Variants in CACNA1S observed in about 807,000 individuals in gnomAD.
The protein encoded by CACNA1S is calcium voltage-gated channel subunit alpha1 S, also known as voltage-dependent L-type calcium channel subunit alpha-1S.
CACNA1S carries 126 observed loss-of-function variants against 207.4 expected under a neutral mutation model. The observed-to-expected ratio is 0.61, with a 90% CI of 0.53 to 0.70. The LOEUF is 0.70. Ranked by LOEUF, CACNA1S falls within the 30% of genes least tolerant of loss-of-function variation. CACNA1S has a pLI of 0.00. For synonymous variants in CACNA1S, 960 were observed against 932.7 expected, an observed-to-expected ratio of 1.03 and a Z score of -0.53; for missense variants, 2,349 against 2,422.8, an observed-to-expected ratio of 0.97 and a Z score of 0.64.
In CACNA1S at chr1:201,057,826, AAGTAGGACTCT is replaced by A. The variant is rs1660899848; in HGVS notation, c.3609+571_3609+581del. ...TTCAAAAACATATTTTTTAAAAAAG[AAGTAGGACTCT>A]AATCCTCCCACTGCCCTGTTTAAAA... On this transcript the variant is annotated intron_variant, in intron 28 of 43. Transcript: ENST00000362061. Among the ~76,000 whole-genome samples, 6 of 152,168 alleles carry A rather than the reference AAGTAGGACTCT, an allele frequency of 3.9e-5. No individual in the cohort carries two copies. In the South Asian group the frequency reaches 1.2e-3, roughly 32 times the overall value.
chr1:201,053,696 TGGA>T lies in CACNA1S; in HGVS notation c.3667-112_3667-110del. On this transcript the variant is annotated intron_variant, in intron 29 of 43. Coordinates refer to ENST00000362061, the MANE Select transcript of CACNA1S (RefSeq NM_000069.3). This position sits in a 1 kb window ranked among gnomAD's most constrained non-coding sequence, Gnocchi z 5.1. ...GTGTTTTGGGGAGATGTTTGTGGCATGGAGGAACTCCAGCCCCGCCTCTGGCCC... is the reference window on the plus strand; with the variant it reads ...GTGTTTTGGGGAGATGTTTGTGGCATGGAACTCCAGCCCCGCCTCTGGCCC... 1 of 1,162,092 alleles carries T rather than the reference TGGA, an allele frequency of 8.6e-7. No homozygotes were observed. Among genetic ancestry groups the T allele is most frequent in the Non-Finnish European group, 1.2e-6 (1 of 818,866 alleles). 72.0% of individuals were successfully genotyped at this position (1,162,092 alleles called of 1,614,324 possible). A position where few individuals can be genotyped will look rare whatever the true frequency, so the allele number is the denominator to read the frequency against.
intron 18 of CACNA1S, 49 bp from the exon 19 acceptor site, chr1:201,069,245 A>C: frequency 1.3e-6 from 2 of 1,552,550 alleles, no homozygotes. Context: ...AGGAGGGGGC[A>C]ACAGTATCAG....
chr1:201,081,467 C>T (rs1000470898), intron 10 of CACNA1S, among the ~76,000 whole-genome samples: 5 of 152,236 alleles, frequency 3.3e-5, no homozygotes, highest in Admixed American at 2.6e-4. Context: ...GAGCTTCACA[C>T]CCAGGTGAAC....
At chr1:201,082,307 G>A (rs899362452) in intron 10 of CACNA1S, among the ~76,000 whole-genome samples, 16 of 151,302 alleles carry the variant, frequency 1.1e-4, no homozygotes, top group Non-Finnish European at 1.8e-4. Flanking sequence ...GATTACAGGC[G>A]TGAGCCACCG....
chr1:201,062,549 A>T lies in CACNA1S; in HGVS notation c.2854-35T>A, dbSNP rs111244081. The T allele has an allele frequency of 4.4e-6, 7 of 1,591,014 alleles. No homozygotes were observed. The African/African-American group carries it at 5.4e-5, about 12-fold the overall frequency. ...GGAAGAGGGAGGGAGGGAGGGAGGC[A>T]TGTTGTCATGGAAACAGGATAGAAA... On this transcript the variant is annotated intron_variant, in intron 22 of 43. Transcript: ENST00000362061.
intron 40 of CACNA1S, 183 bp downstream of exon 40, chr1:201,043,098 G>T: frequency 1.5e-6 from 1 of 688,364 alleles, no homozygotes; most frequent in Non-Finnish European, 2.5e-6. Flanking sequence ...TCCCCCTGCT[G>T]GCCAAAGAAG....
chr1:201,112,145 C>T, intron 1 of CACNA1S, 43 bp downstream of exon 1: 7 of 1,584,528 alleles, frequency 4.4e-6, no homozygotes, highest in Non-Finnish European at 5.2e-6. Context: ...ATCCCTCCCT[C>T]ATGACGCACA....
At chr1:201,089,643 T>C (rs780905377) in intron 5 of CACNA1S, among the ~76,000 whole-genome samples, 180 bp from the exon 6 acceptor site, 6 of 152,246 alleles carry the variant, frequency 3.9e-5, no homozygotes, top group Non-Finnish European at 7.3e-5. Context: ...TGCCTTGGGC[T>C]GAGGATGGCT....
chr1:201,057,818 T>G (rs1290408078), intron 28 of CACNA1S, among the ~76,000 whole-genome samples: 1 of 125,166 alleles, frequency 8.0e-6, no homozygotes, highest in Non-Finnish European at 1.7e-5. Context: ...ACATATTTTT[T>G]AAAAAAGAAG....
chr1:201,092,674 G>A (rs1287460044), intron 3 of CACNA1S, among the ~76,000 whole-genome samples: 1 of 152,132 alleles, frequency 6.6e-6, no homozygotes, highest in South Asian at 2.1e-4. Context: ...GACACATTGC[G>A]TATGAAACAA....
intron 12 of CACNA1S, among the ~76,000 whole-genome samples, chr1:201,075,852 G>A (rs946145696): frequency 1.1e-4 from 16 of 152,156 alleles, no homozygotes; most frequent in African/African-American, 3.4e-4. Context: ...TGGATCATTC[G>A]AGGTCAGGAA....
At chr1:201,052,999 C>T (rs985904265) in intron 31 of CACNA1S, among the ~76,000 whole-genome samples, 2 of 152,110 alleles carry the variant, frequency 1.3e-5, no homozygotes, top group South Asian at 2.1e-4. Flanking sequence ...GCTGTCCACC[C>T]ACATGCCCAG....
rs761810062 is a variant in CACNA1S, at chr1:201,083,129, CCCT to C, written c.1393+30_1393+32del. ...TGACATCAAGCCACAGCCACATGTG[CCCT>C]CCTCCCGGCTTCACTCCGTTCCGCC... On this transcript the variant is annotated intron_variant, in intron 10 of 43. Coordinates refer to ENST00000362061, the MANE Select transcript of CACNA1S (RefSeq NM_000069.3). 15 of 1,612,310 alleles carry C rather than the reference CCCT, an allele frequency of 9.3e-6. No homozygotes were observed. In the East Asian group the frequency reaches 3.3e-4, roughly 36 times the overall value.
intron 39 of CACNA1S, 123 bp downstream of exon 39, chr1:201,044,205 G>A: frequency 8.3e-7 from 1 of 1,203,486 alleles, no homozygotes; most frequent in Admixed American, 1.9e-5. Context: ...TGGAGAGACG[G>A]AGTGGGGTAT....
intron 7 of CACNA1S, 86 bp from the exon 8 acceptor site, chr1:201,085,667 C>A (rs1002316901): frequency 2.7e-6 from 4 of 1,496,332 alleles, no homozygotes; most frequent in Non-Finnish European, 2.8e-6. Flanking sequence ...CAGACAAGCC[C>A]ATTCTGTGAC....
Position 201,085,581 on chromosome 1 carries a change from C to T in CACNA1S, c.1005G>A (p.Gly335=). The T allele has an allele frequency of 1.2e-6, 2 of 1,613,692 alleles. No homozygotes were observed. The highest frequency in any genetic ancestry group is 1.7e-6 in the Non-Finnish European group (2 of 1,179,914). Reference sequence around the variant, plus strand: ...CCTTCTCCCGCTCCTTGGTGAATTCCCTGAAATGAGATGGGGGAGCCAGGA... The same window carrying T: ...CCTTCTCCCGCTCCTTGGTGAATTCTCTGAAATGAGATGGGGGAGCCAGGA... ...ILNLVLGVLS[G]EFTKEREKAK... Residue 335 remains glycine (G), a splice_region_variant and synonymous_variant, in exon 8 of 44, where the codon GGG becomes GGA. Transcript: ENST00000362061.
chr1:201,061,057 C>T (rs1199669901), intron 25 of CACNA1S, among the ~76,000 whole-genome samples: 2 of 152,218 alleles, frequency 1.3e-5, no homozygotes, highest in Non-Finnish European at 2.9e-5. Flanking sequence ...TTTCTCTGGG[C>T]ATCATGAGGT....
At chr1:201,103,294 T>G (rs866047075) in intron 2 of CACNA1S, among the ~76,000 whole-genome samples, 1 of 150,494 alleles carries the variant, frequency 6.6e-6, no homozygotes, top group Non-Finnish European at 1.5e-5. Flanking sequence ...TGTTCACAGA[T>G]GAGGTAATGG....
chr1:201,083,068 C>T (rs1285795306), intron 10 of CACNA1S, 94 bp downstream of exon 10: 58 of 1,331,266 alleles, frequency 4.4e-5, no homozygotes, highest in Non-Finnish European at 5.7e-5. Context: ...TCTAATTGAC[C>T]TCTTCTGCAC....
Sources: allele counts gnomAD v4.1 joint callset (sites outside exome capture counted in the v4.1 genomes callset), GRCh38; gene constraint gnomAD v4.1.1; non-coding constraint Gnocchi (gnomAD v3.1); transcripts MANE v1.5; gene names NCBI Gene and HGNC (gene_info 2026-07-23, HGNC 2026-07-21).